GOLIM4: variants seen among roughly 807,000 people sequenced by gnomAD.
The protein encoded by GOLIM4 is 130 kDa golgi-localized phosphoprotein.
Under a neutral mutation model 107.4 loss-of-function variants are expected in GOLIM4, and 71 were observed. The observed-to-expected ratio is 0.66, with a 90% CI of 0.55 to 0.81. The LOEUF (loss-of-function observed/expected upper bound fraction) is 0.81. GOLIM4 is among the 30% of genes least tolerant of loss of function. The pLI, the probability that GOLIM4 is intolerant of heterozygous loss-of-function variation, is 0.00. For missense variants in GOLIM4, 830 were observed against 826.1 expected, an observed-to-expected ratio of 1.00 and a Z score of -0.06; for synonymous variants, 327 against 294.8, an observed-to-expected ratio of 1.11 and a Z score of -1.12.
chr3:168,065,495 T>C (rs769737337), intron 1 of GOLIM4, among the ~76,000 whole-genome samples: 9 of 152,246 alleles, frequency 5.9e-5, no homozygotes, highest in Non-Finnish European at 1.2e-4. Flanking sequence ...TCTCTTTTTC[T>C]GTATGTATGA....
At chr3:168,069,483 G>C (rs947016957) in intron 1 of GOLIM4, among the ~76,000 whole-genome samples, 1 of 152,046 alleles carries the variant, frequency 6.6e-6, no homozygotes, top group Non-Finnish European at 1.5e-5. Flanking sequence ...TTCTTTAATT[G>C]ATTTTCCTTC....
At position 168,032,552 on chromosome 3, in the gene GOLIM4, C is replaced by T. The variant is rs1017747334; in HGVS notation, c.1144G>A (p.Ala382Thr). The part of the protein sequence containing the change: ...WKEQHEQREA[A>T]NLLEGHARAE... ...CGCGCGTGCCCTTCCAGGAGGTTGG[C>T]TGCTTCTCGTTGCTCATGCTGCTCT... Residue 382 changes from alanine (A) to threonine (T), a missense_variant, in exon 9 of 16, where the codon GCC becomes ACC. Physicochemically the swap from Ala to Thr is moderately conservative, Grantham distance 58. Coordinates refer to ENST00000470487, the MANE Select transcript of GOLIM4 (RefSeq NM_014498.5). 1 of 1,614,106 alleles carries T rather than the reference C, an allele frequency of 6.2e-7. No individual in the cohort carries two copies. Among genetic ancestry groups the T allele is most frequent in the Admixed American group, 1.7e-5 (1 of 60,024 alleles).
rs200013345 is a variant in GOLIM4, at chr3:168,032,765, C to T, written c.931G>A (p.Glu311Lys). ...DTKLYAPTHK[E>K]AEFQAPPEPI... ...TCTGGGGGAGCCTGAAATTCTGCCT[C>T]CTTATGGGTGGGAGCATAGAGTTTT... The change falls in exon 9 of 16, where the codon GAG becomes AAG. Residue 311 changes from glutamate to lysine, a missense_variant. Transcript: ENST00000470487. 8.4e-5 allele frequency: 135 copies of T among 1,614,046 alleles called. No homozygotes were observed. The East Asian group carries it at 2.9e-3, about 34-fold the overall frequency.
chr3:168,058,791 A>T (rs1229910651), intron 1 of GOLIM4, among the ~76,000 whole-genome samples: 1 of 152,230 alleles, frequency 6.6e-6, no homozygotes, highest in Non-Finnish European at 1.5e-5. Flanking sequence ...TCTCAAAGAC[A>T]TGTATAAGTG....
intron 12 of GOLIM4, 129 bp from the exon 13 acceptor site, chr3:168,025,224 C>T (rs1560072975): frequency 4.4e-6 from 3 of 674,658 alleles, no homozygotes; most frequent in Non-Finnish European, 7.4e-6. Flanking sequence ...CTATCCTTGC[C>T]AAGACTCACA....
intron 1 of GOLIM4, among the ~76,000 whole-genome samples, chr3:168,081,999 G>C (rs1041651959): frequency 2.0e-5 from 3 of 152,150 alleles, no homozygotes; most frequent in African/African-American, 7.2e-5. Flanking sequence ...GTCATGTCTA[G>C]AGGGGGTTCA....
intron 1 of GOLIM4, among the ~76,000 whole-genome samples, chr3:168,055,715 T>C (rs2108262375): frequency 6.7e-6 from 1 of 149,496 alleles, no homozygotes; most frequent in East Asian, 2.0e-4. Context: ...GGCAGGAGAA[T>C]GGTGTGAACC....
chr3:168,080,738 G>T (rs992228931), intron 1 of GOLIM4, among the ~76,000 whole-genome samples: 1 of 152,138 alleles, frequency 6.6e-6, no homozygotes, highest in Non-Finnish European at 1.5e-5. Flanking sequence ...AGAAATGCAG[G>T]TCCAGTGTTG....
chr3:168,044,342 G>T lies in GOLIM4; in HGVS notation c.366+486C>A, dbSNP rs562684576. Among the ~76,000 whole-genome samples, 213 of 152,286 alleles carry T rather than the reference G, an allele frequency of 1.4e-3. 1 individual carries two copies. Among genetic ancestry groups the T allele is most frequent in the African/African-American group, 5.1e-3 (211 of 41,554 alleles). ...TGACAGAAACAATGATCCTCTTCCT[G>T]ACACAGAATAATGAGTTTTACTCAA... is the stretch of plus-strand genomic sequence containing the variant. On this transcript the variant is annotated intron_variant, in intron 4 of 15. Coordinates refer to ENST00000470487, the MANE Select transcript of GOLIM4 (RefSeq NM_014498.5).
intron 1 of GOLIM4, among the ~76,000 whole-genome samples, chr3:168,075,458 G>A (rs951192132): frequency 1.3e-5 from 2 of 151,330 alleles, no homozygotes; most frequent in East Asian, 3.9e-4. Flanking sequence ...CACTACGCCC[G>A]GCTAATTTTT....
intron 1 of GOLIM4, among the ~76,000 whole-genome samples, chr3:168,088,472 G>A (rs1721736135): frequency 6.6e-6 from 1 of 152,190 alleles, no homozygotes; most frequent in African/African-American, 2.4e-5. Flanking sequence ...TTGCAAGTTA[G>A]ACATTGCTAA....
Position 168,032,738 on chromosome 3 carries a change from G to T in GOLIM4, c.958C>A (p.Pro320Thr), listed in dbSNP as rs935283606. ...CTGCGTTCCACTTCTTGTTGGATTG[G>T]CTCTGGGGGAGCCTGAAATTCTGCC... Reference protein sequence around the residue: ...KEAEFQAPPEPIQQEVERREP... With the variant: ...KEAEFQAPPETIQQEVERREP... Residue 320 changes from proline (P) to threonine (T), a missense_variant, in exon 9 of 16, where the codon CCA becomes ACA. Physicochemically the swap from Pro to Thr is conservative, Grantham distance 38. Coordinates refer to ENST00000470487, the MANE Select transcript of GOLIM4 (RefSeq NM_014498.5). The T allele has an allele frequency of 2.5e-6, 4 of 1,613,866 alleles. No homozygotes were observed. The African/African-American group carries it at 4.0e-5, about 16-fold the overall frequency.
intron 1 of GOLIM4, among the ~76,000 whole-genome samples, chr3:168,067,663 T>C (rs1484465308): frequency 1.3e-5 from 2 of 152,056 alleles, no homozygotes; most frequent in African/African-American, 2.4e-5. Context: ...CTAAATGTTA[T>C]AGTAGAGTTA....
rs188878772 is a variant in GOLIM4, at chr3:168,068,940, G to A, written c.188-20575C>T. Among the ~76,000 whole-genome samples the A allele has an allele frequency of 4.1e-4, 62 of 151,536 alleles. No individual in the cohort carries two copies. The East Asian group carries it at 9.2e-3, about 22-fold the overall frequency. On this transcript the variant is annotated intron_variant, in intron 1 of 15. Transcript: ENST00000470487. ...CAACCTCTACCTGCCGGGTTCAAGC[G>A]ATTCTCCTGCCTCAGCCTCCTGAGT...
chr3:168,043,540 G>C lies in GOLIM4; in HGVS notation c.367-11C>G. The C allele has an allele frequency of 6.3e-7, 1 of 1,590,784 alleles. No individual in the cohort carries two copies. The highest frequency in any genetic ancestry group is 1.4e-5 in the African/African-American group (1 of 73,404). Reference sequence around the variant, plus strand: ...CTCCTCGTGTTGGCTCTGCAAAGATGAAAACTTGAGTAGAAATATACATTC... The same window carrying C: ...CTCCTCGTGTTGGCTCTGCAAAGATCAAAACTTGAGTAGAAATATACATTC... On this transcript the variant is annotated splice_polypyrimidine_tract_variant and intron_variant, in intron 4 of 15. Coordinates refer to ENST00000470487, the MANE Select transcript of GOLIM4 (RefSeq NM_014498.5).
chr3:168,010,493 G>A, intron 15 of GOLIM4, 75 bp from the exon 16 acceptor site: 2 of 1,059,384 alleles, frequency 1.9e-6, no homozygotes, highest in Non-Finnish European at 2.8e-6. Flanking sequence ...CTAAAAACAG[G>A]ATGAAAAATT....
chr3:168,071,879 A>C (rs1328502796), intron 1 of GOLIM4, among the ~76,000 whole-genome samples: 1 of 151,990 alleles, frequency 6.6e-6, no homozygotes, highest in Admixed American at 6.5e-5. Context: ...CCATCATCTT[A>C]CTCTTTTCAA....
chr3:168,080,429 T>C (rs892703023), intron 1 of GOLIM4, among the ~76,000 whole-genome samples: 1 of 152,212 alleles, frequency 6.6e-6, no homozygotes, highest in Admixed American at 6.5e-5. Flanking sequence ...TTTAAATTCA[T>C]GAAAATTAAA....
intron 8 of GOLIM4, among the ~76,000 whole-genome samples, chr3:168,034,396 A>C (rs1718521073): frequency 6.6e-6 from 1 of 152,214 alleles, no homozygotes; most frequent in African/African-American, 2.4e-5. Flanking sequence ...AAATAGAACC[A>C]ACTGCCAGGC....
Sources: gnomAD v4.1 joint callset for allele counts (sites outside exome capture counted in the v4.1 genomes callset) on GRCh38, gnomAD v4.1.1 for gene constraint, MANE v1.5 for transcripts, NCBI Gene and HGNC (gene_info 2026-07-23, HGNC 2026-07-21) for gene names.